Variants in GIPC1 observed in about 807,000 individuals in gnomAD.
GIPC1 encodes the protein PDZ domain-containing protein GIPC1.
Under a neutral mutation model 28.5 loss-of-function variants are expected in GIPC1, and 15 were observed. That is an observed-to-expected ratio of 0.53 (90% CI 0.35 to 0.81). The LOEUF (loss-of-function observed/expected upper bound fraction) is 0.81. Ranked by LOEUF, GIPC1 falls within the 30% of genes least tolerant of loss-of-function variation. The probability of loss-of-function intolerance (pLI) is 0.01; values close to 1 mark genes in which losing one functional copy is unlikely to be tolerated. For missense variants in GIPC1, 439 were observed against 481.9 expected, an observed-to-expected ratio of 0.91 and a Z score of 0.83; for synonymous variants, 224 against 206.1, an observed-to-expected ratio of 1.09 and a Z score of -0.74.
At chr19:14,491,490 C>T (rs2071973539) in intron 3 of GIPC1, among the ~76,000 whole-genome samples, 166 bp downstream of exon 3, 1 of 151,884 alleles carries the variant, frequency 6.6e-6, no homozygotes. Context: ...AACTCCTGAC[C>T]TCAGGTGATT....
At position 14,478,797 on chromosome 19, in the gene GIPC1, A is replaced by G. The variant is rs746033119; in HGVS notation, c.769-32T>C. 3 of 1,477,640 alleles carry G rather than the reference A, an allele frequency of 2.0e-6. No homozygotes were observed. Among genetic ancestry groups the G allele is most frequent in the East Asian group, 2.3e-5 (1 of 44,226 alleles). The allele number at this position is 1,477,640 out of a possible 1,614,324, so 91.5% of individuals were successfully genotyped here. ...GCCAGGGAGGGGTGACAGCGACATC[A>G]TAACAATGTGAATATACATAGTAAT... On this transcript the variant is annotated intron_variant, in intron 7 of 8. Transcript: ENST00000393033. This position sits in a 1 kb window ranked among gnomAD's most constrained non-coding sequence, Gnocchi z 5.2.
In GIPC1 at chr19:14,478,217, C is replaced by T. The variant is rs545869030; in HGVS notation, c.*199G>A. On this transcript the variant is annotated 3_prime_UTR_variant, in exon 9 of 9. Coordinates refer to ENST00000393033, the MANE Select transcript of GIPC1 (RefSeq NM_005716.4). The surrounding 1 kb of genome is among the most constrained non-coding windows in gnomAD (Gnocchi z 5.2). ...GAACAGGGCACAGGGGGGCCGGGGA[C>T]CCCGGCCAGACTGGGAACCAGGGAG... 2.3e-5 allele frequency: 13 copies of T among 554,718 alleles called. No homozygotes were observed. Among genetic ancestry groups the T allele is most frequent in the African/African-American group, 3.8e-5 (2 of 52,836 alleles). The allele number at this position is 554,718 out of a possible 1,614,324, so 34.4% of individuals were successfully genotyped here. A position where few individuals can be genotyped will look rare whatever the true frequency, so the allele number is the denominator to read the frequency against.
Position 14,488,095 on chromosome 19 carries a change from A to T in GIPC1, c.-31+3561T>A, listed in dbSNP as rs186149631. 2.9e-3 allele frequency among the ~76,000 whole-genome samples: 445 copies of T among 152,304 alleles called. 1 individual carries two copies. The highest frequency in any genetic ancestry group is 4.0e-3 in the Non-Finnish European group (275 of 68,020). On this transcript the variant is annotated intron_variant, in intron 3 of 8. Transcript: ENST00000393033. ...AACTTGAGACCTGAACCACAGGAGG[A>T]AGCATTCATGCAATGATTTGGGGCA...
At chr19:14,491,875 C>T (rs982931721) in intron 2 of GIPC1, 132 bp from the exon 3 acceptor site, 5 of 152,228 alleles carry the variant, frequency 3.3e-5, no homozygotes, top group African/African-American at 1.2e-4. Flanking sequence ...TCCGGGAGGC[C>T]GAGGTGGGCA....
Position 14,478,464 on chromosome 19 carries a change from G to A in GIPC1, c.954C>T (p.Val318=), listed in dbSNP as rs757879595. 1 of 1,613,076 alleles carries A rather than the reference G, an allele frequency of 6.2e-7. No homozygotes were observed. Among genetic ancestry groups the A allele is most frequent in the Non-Finnish European group, 8.5e-7 (1 of 1,179,648 alleles). The change falls in exon 9 of 9, where the codon GTC becomes GTT. Residue 318 remains valine (V), a synonymous_variant. Transcript: ENST00000393033. The surrounding 1 kb of genome is among the most constrained non-coding windows in gnomAD (Gnocchi z 5.2). ...CCCCAATGGCGCCCCAGACGTCAAA[G>A]ACGAACTCGTCAGGGAAGGCAAAGT... ...LGDFAFPDEF[V]FDVWGAIGDA...
At chr19:14,494,186 C>T (rs2072029623) in intron 1 of GIPC1, among the ~76,000 whole-genome samples, 1 of 152,148 alleles carries the variant, frequency 6.6e-6, no homozygotes. Flanking sequence ...TCTCAAACTC[C>T]TGACCTCTTG....
intron 4 of GIPC1, chr19:14,482,322 C>A: frequency 3.0e-6 from 1 of 331,732 alleles, no homozygotes; most frequent in Non-Finnish European, 5.6e-6. Flanking sequence ...CTGTTGGGAA[C>A]TCAGCATCCA....
chr19:14,490,974 C>A (rs867837554), intron 3 of GIPC1, among the ~76,000 whole-genome samples: 218 of 112,982 alleles, frequency 1.9e-3, no homozygotes, highest in Middle Eastern at 4.8e-3. Context: ...GACTCCATCT[C>A]AAAAAAAAAA....
chr19:14,480,927 C>T, intron 4 of GIPC1, 149 bp from the exon 5 acceptor site: 1 of 614,982 alleles, frequency 1.6e-6, no homozygotes, highest in Non-Finnish European at 2.9e-6. Context: ...AGGGCCACAG[C>T]AGGGCCCACA....
chr19:14,494,384 GC>G (rs1014769054), intron 1 of GIPC1, among the ~76,000 whole-genome samples: 88 of 630 alleles, frequency 0.14, 1 homozygote, highest in African/African-American at 0.19. Context: ...GAGCCACCGC[GC>G]CCGGGCCCCC....
chr19:14,478,177 G>C lies in GIPC1; in HGVS notation c.*239C>G. 4.1e-6 allele frequency: 2 copies of C among 485,336 alleles called. No individual in the cohort carries two copies. Among genetic ancestry groups the C allele is most frequent in the Admixed American group, 6.8e-5 (2 of 29,240 alleles). 30.1% of individuals were successfully genotyped at this position (485,336 alleles called of 1,614,324 possible). A position where few individuals can be genotyped will look rare whatever the true frequency, so the allele number is the denominator to read the frequency against. On this transcript the variant is annotated 3_prime_UTR_variant, in exon 9 of 9. Transcript: ENST00000393033. The surrounding 1 kb of genome is among the most constrained non-coding windows in gnomAD (Gnocchi z 5.2). Reference sequence around the variant, plus strand: ...CCCTCCCCTCCCTGTGCCTGACCCAGCTGAGGTAGGTGGGGAACAGGGCAC... The same window carrying C: ...CCCTCCCCTCCCTGTGCCTGACCCACCTGAGGTAGGTGGGGAACAGGGCAC...
Position 14,480,756 on chromosome 19 carries a change from G to C in GIPC1, c.311C>G (p.Thr104Ser), listed in dbSNP as rs749851619. Residue 104 changes from threonine to serine, a missense_variant, in exon 5 of 9, where the codon ACC becomes AGC. Coordinates refer to ENST00000393033, the MANE Select transcript of GIPC1 (RefSeq NM_005716.4). ...GAGCTTGTCCATGTCCACTTTGTGG[G>C]TGTTCAGGGTGCAGAACATCACCTG... ...TAEVMFCTLN[T>S]HKVDMDKLLG... 1.2e-6 allele frequency: 2 copies of C among 1,613,130 alleles called. No homozygotes were observed. Among genetic ancestry groups the C allele is most frequent in the Non-Finnish European group, 8.5e-7 (1 of 1,179,110 alleles).
At chr19:14,493,462 C>CT (rs527870381) in intron 1 of GIPC1, among the ~76,000 whole-genome samples, 2,575 of 145,748 alleles carry the variant, frequency 0.018, 53 homozygotes, top group East Asian at 0.09. Flanking sequence ...ATCTCTCTCT[C>CT]TTTTTTTTTT....
At chr19:14,495,810 C>A (rs1352770514) in intron 1 of GIPC1, among the ~76,000 whole-genome samples, 2 of 152,014 alleles carry the variant, frequency 1.3e-5, no homozygotes, top group Non-Finnish European at 2.9e-5. Context: ...CCCAGCCCAG[C>A]GTTGGGAGGC....
At chr19:14,479,973 C>G (rs1599346443) in intron 6 of GIPC1, 2 of 489,858 alleles carry the variant, frequency 4.1e-6, no homozygotes, top group South Asian at 5.0e-5. Flanking sequence ...TTAGTGAAGC[C>G]AGATGGAAAA....
In GIPC1 at chr19:14,491,637, C is replaced by A. The variant is rs2071976351; in HGVS notation, c.-31+19G>T. 6.6e-6 allele frequency: 1 copy of A among 152,524 alleles called. No homozygotes were observed. The highest frequency in any genetic ancestry group is 2.4e-5 in the African/African-American group (1 of 41,444). 9.4% of individuals were successfully genotyped at this position (152,524 alleles called of 1,614,324 possible). On this transcript the variant is annotated intron_variant, in intron 3 of 8. Transcript: ENST00000393033. ...ACACACCCTCTCATCTCACCTGGTC[C>A]ATCTCCATGATCACTTACCTAAACT...
At position 14,478,988 on chromosome 19, in the gene GIPC1, G is replaced by A. The variant is rs1476218369; in HGVS notation, c.769-223C>T. On this transcript the variant is annotated intron_variant, in intron 7 of 8. Transcript: ENST00000393033. This position sits in a 1 kb window ranked among gnomAD's most constrained non-coding sequence, Gnocchi z 5.2. ...TGGGAGCTGGGAAGTGGCAGAAGTG[G>A]ACTAGAATCCAGGCTGTCTGCCCAG... Among the ~76,000 whole-genome samples, 5 of 152,150 alleles carry A rather than the reference G, an allele frequency of 3.3e-5. No individual in the cohort carries two copies. Among genetic ancestry groups the A allele is most frequent in the African/African-American group, 1.2e-4 (5 of 41,428 alleles).
At chr19:14,480,898 C>T (rs2071715552) in intron 4 of GIPC1, 120 bp from the exon 5 acceptor site, 1 of 723,240 alleles carries the variant, frequency 1.4e-6, no homozygotes, top group South Asian at 1.8e-5. Flanking sequence ...AGTAACTCAT[C>T]ACCCACTGAG....
At chr19:14,485,696 TATATATAGAGAGAG>T (rs1397212230) in intron 3 of GIPC1, among the ~76,000 whole-genome samples, 1 of 73,848 alleles carries the variant, frequency 1.4e-5, no homozygotes, top group Non-Finnish European at 2.8e-5. Context: ...TATATATATA[TATATATAGAGAGAG>T]AGAGAGAGAG....
Sources: gnomAD v4.1 joint callset for allele counts (sites outside exome capture counted in the v4.1 genomes callset) on GRCh38, gnomAD v4.1.1 for gene constraint, Gnocchi (gnomAD v3.1) non-coding constraint, MANE v1.5 for transcripts, NCBI Gene and HGNC (gene_info 2026-07-23, HGNC 2026-07-21) for gene names.